MGAT4C: variants seen among roughly 807,000 people sequenced by gnomAD.
MGAT4C encodes the protein MGAT4 family member C.
In MGAT4C, 19 loss-of-function variants were observed where a neutral mutation model predicts 40.1. The observed-to-expected ratio is 0.47, with a 90% CI of 0.33 to 0.70. The LOEUF is 0.70. MGAT4C is among the 30% of genes least tolerant of loss of function. The pLI, the probability that MGAT4C is intolerant of heterozygous loss-of-function variation, is 0.02. For missense variants in MGAT4C, 491 were observed against 563.2 expected, an observed-to-expected ratio of 0.87 and a Z score of 1.30; for synonymous variants, 181 against 187.1, an observed-to-expected ratio of 0.97 and a Z score of 0.27.
At position 86,238,123 on chromosome 12, in the gene MGAT4C, CA is replaced by C. The variant is rs570072895; in HGVS notation, c.-57+18115del. 3.0e-3 allele frequency among the ~76,000 whole-genome samples: 461 copies of C among 151,218 alleles called. 2 individuals carry two copies. Among genetic ancestry groups the C allele is most frequent in the African/African-American group, 0.01 (431 of 41,318 alleles). On this transcript the variant is annotated intron_variant, in intron 1 of 4. Transcript: ENST00000611864. ...TGAACCTAAAATAAAATTAGGAAGT[CA>C]AAAAAAATGCATTAGTGGCTTTTGT...
chr12:86,525,526 G>A (rs375112307), intron 2 of MGAT4C, among the ~76,000 whole-genome samples: 7 of 152,218 alleles, frequency 4.6e-5, no homozygotes, highest in African/African-American at 1.7e-4. Flanking sequence ...GACTTTCTGA[G>A]TTGTCAGGGT....
Position 86,194,047 on chromosome 12 carries a change from A to C in MGAT4C, c.-57+62192T>G, listed in dbSNP as rs905920759. On this transcript the variant is annotated intron_variant, in intron 1 of 4. Transcript: ENST00000611864. ...CTAAACCTTTTGATCATGTCTAATAAATCTTGTATGCTTTGTAATGTATTT... is the reference window on the plus strand; with the variant it reads ...CTAAACCTTTTGATCATGTCTAATACATCTTGTATGCTTTGTAATGTATTT... Among the ~76,000 whole-genome samples the C allele has an allele frequency of 2.6e-5, 4 of 151,902 alleles. No individual in the cohort carries two copies. The East Asian group carries it at 5.8e-4, about 22-fold the overall frequency.
intron 2 of MGAT4C, among the ~76,000 whole-genome samples, chr12:86,454,180 T>C (rs1231857014): frequency 6.6e-6 from 1 of 152,146 alleles, no homozygotes; most frequent in Non-Finnish European, 1.5e-5. Context: ...TACTAATCTT[T>C]AGGAGAAAAT....
chr12:86,754,609 A>C (rs1951271173), intron 1 of MGAT4C, among the ~76,000 whole-genome samples: 1 of 152,168 alleles, frequency 6.6e-6, no homozygotes, highest in South Asian at 2.1e-4. Flanking sequence ...TTTTTCCCTG[A>C]AAATAGTCTA....
At chr12:86,567,733 T>C (rs556983183) in intron 2 of MGAT4C, among the ~76,000 whole-genome samples, 1 of 152,320 alleles carries the variant, frequency 6.6e-6, no homozygotes, top group South Asian at 2.1e-4. Context: ...CAATACCAGC[T>C]ACAACCACGT....
chr12:86,626,323 AT>A (rs1962802479), intron 2 of MGAT4C, among the ~76,000 whole-genome samples: 1 of 152,216 alleles, frequency 6.6e-6, no homozygotes. Flanking sequence ...ACTGTCTGAA[AT>A]TTAAAACAAA....
chr12:86,264,420 C>A (rs961450914), intron 4 of MGAT4C, among the ~76,000 whole-genome samples: 1 of 152,136 alleles, frequency 6.6e-6, no homozygotes, highest in African/African-American at 2.4e-5. Context: ...GTTTTGATTG[C>A]AGGAGAGGCC....
intron 1 of MGAT4C, among the ~76,000 whole-genome samples, chr12:86,073,227 G>T (rs975627434): frequency 3.3e-5 from 5 of 152,132 alleles, no homozygotes; most frequent in African/African-American, 1.2e-4. Context: ...CATGTAAAAC[G>T]TGCCTTTCAC....
intron 1 of MGAT4C, among the ~76,000 whole-genome samples, chr12:86,052,000 A>T (rs944059384): frequency 2.0e-5 from 3 of 151,892 alleles, no homozygotes; most frequent in Non-Finnish European, 4.4e-5. Flanking sequence ...AATTTTCTAT[A>T]AATTGGCTAA....
At chr12:86,162,602 A>C (rs989506387) in intron 1 of MGAT4C, among the ~76,000 whole-genome samples, 8 of 152,202 alleles carry the variant, frequency 5.3e-5, no homozygotes, top group African/African-American at 1.7e-4. Context: ...ATTCCCATGT[A>C]ACAAATCTAT....
chr12:86,409,005 G>A (rs1181802764), intron 3 of MGAT4C, among the ~76,000 whole-genome samples: 1 of 152,066 alleles, frequency 6.6e-6, no homozygotes, highest in African/African-American at 2.4e-5. Flanking sequence ...CCCCCAGAGT[G>A]TGTGTTGGTT....
At chr12:86,150,379 T>G (rs1446114770) in intron 1 of MGAT4C, among the ~76,000 whole-genome samples, 1 of 152,204 alleles carries the variant, frequency 6.6e-6, no homozygotes, top group Non-Finnish European at 1.5e-5. Flanking sequence ...CAATACTGCC[T>G]GGCAAATAAT....
chr12:86,563,967 T>C (rs939784592), intron 2 of MGAT4C, among the ~76,000 whole-genome samples: 1 of 152,100 alleles, frequency 6.6e-6, no homozygotes, highest in African/African-American at 2.4e-5. Flanking sequence ...AGGACTATTA[T>C]GGTGGGAAAG....
intron 1 of MGAT4C, among the ~76,000 whole-genome samples, chr12:86,814,458 A>G (rs1952560641): frequency 6.7e-6 from 1 of 149,928 alleles, no homozygotes; most frequent in Non-Finnish European, 1.5e-5. Context: ...AAAGTTACTG[A>G]ATTCTCATAA....
chr12:86,143,540 T>A (rs1313325850), intron 1 of MGAT4C, among the ~76,000 whole-genome samples: 1 of 152,038 alleles, frequency 6.6e-6, no homozygotes, highest in East Asian at 1.9e-4. Context: ...AAAGGAAAAA[T>A]TTACGCTTAG....
intron 4 of MGAT4C, among the ~76,000 whole-genome samples, chr12:86,298,927 T>C (rs1592665952): frequency 7.5e-6 from 1 of 132,598 alleles, no homozygotes; most frequent in South Asian, 2.5e-4. Context: ...TTTTATGTAA[T>C]CTGGAAATTA....
At chr12:86,734,547 T>C (rs1361753555) in intron 1 of MGAT4C, among the ~76,000 whole-genome samples, 1 of 152,056 alleles carries the variant, frequency 6.6e-6, no homozygotes, top group Non-Finnish European at 1.5e-5. Flanking sequence ...TAAGTGATTA[T>C]GTCTTCAGGT....
intron 2 of MGAT4C, among the ~76,000 whole-genome samples, chr12:86,599,918 TTTTTG>T (rs368556647): frequency 1.2e-3 from 177 of 152,304 alleles, no homozygotes; most frequent in East Asian, 3.9e-3. Flanking sequence ...CAGTGGTTTT[TTTTTG>T]TTTTGTTTTG....
chr12:86,700,170 CAGACAGACAGAT>C lies in MGAT4C; in HGVS notation c.-229+27027_-229+27038del, dbSNP rs1459180715. The stretch of plus-strand genomic sequence containing the variant: ...ACAGACAGACAGACAGACAGACAGA[CAGACAGACAGAT>C]AGATAGATAGATAGATAGATAGATA... On this transcript the variant is annotated intron_variant, in intron 2 of 7. Transcript: ENST00000548651. Among the ~76,000 whole-genome samples the C allele has an allele frequency of 5.2e-3, 709 of 135,878 alleles. 2 individuals carry two copies. Among genetic ancestry groups the C allele is most frequent in the Middle Eastern group, 0.012 (3 of 260 alleles). 89.1% of individuals were successfully genotyped at this position (135,878 alleles called of 152,430 possible). A position where few individuals can be genotyped will look rare whatever the true frequency, so the allele number is the denominator to read the frequency against.
Sources: gnomAD v4.1 joint callset for allele counts (sites outside exome capture counted in the v4.1 genomes callset) on GRCh38, gnomAD v4.1.1 for gene constraint, MANE v1.5 for transcripts, NCBI Gene and HGNC (gene_info 2026-07-23, HGNC 2026-07-21) for gene names.